Variants in SEPTIN14 observed in about 807,000 individuals in gnomAD.
SEPTIN14 encodes septin-14.
Under a neutral mutation model 53.6 loss-of-function variants are expected in SEPTIN14, and 40 were observed. The ratio of observed to expected loss-of-function variants is 0.75; its 90% CI spans 0.58 to 0.97. SEPTIN14 has a LOEUF of 0.97. SEPTIN14 is among the 50% of genes least tolerant of loss of function. SEPTIN14 has a pLI of 0.00. For missense variants in SEPTIN14, 471 were observed against 508.2 expected (o/e 0.93, Z 0.70); for synonymous variants, 138 against 166.8 (o/e 0.83, Z 1.33).
At chr7:55,839,347 C>CCA (rs755265566) in intron 5 of SEPTIN14, among the ~76,000 whole-genome samples, 73 of 150,304 alleles carry the variant, frequency 4.9e-4, no homozygotes, top group Non-Finnish European at 4.0e-4. Flanking sequence ...CGAGATTGTG[C>CCA]CACTGCACTC....
intron 6 of SEPTIN14, among the ~76,000 whole-genome samples, chr7:55,825,111 G>A (rs561504839): frequency 2.0e-5 from 3 of 152,112 alleles, no homozygotes; most frequent in Non-Finnish European, 4.4e-5. Context: ...CCTTTAATCA[G>A]TGAGTGGATA....
In SEPTIN14 at chr7:55,795,915, A is replaced by C. The variant is rs1414149556; in HGVS notation, c.1297T>G (p.Ter433GluextTer1). 6.3e-7 allele frequency: 1 copy of C among 1,589,058 alleles called. No homozygotes were observed. Among genetic ancestry groups the C allele is most frequent in the Non-Finnish European group, 8.5e-7 (1 of 1,173,270 alleles). The change falls in exon 10 of 10, where the codon TAA (stop) becomes GAA (glutamate). Residue 433 changes from the stop codon to glutamate (E), a stop_lost. Coordinates refer to ENST00000388975, the MANE Select transcript of SEPTIN14 (RefSeq NM_207366.3). ...DTKKDKHRKK[*>E] Reference sequence around the variant, plus strand: ...TCTCAGAATAGTAAGAGAAACTATTATTTCTTACGATGTTTGTCTTTCTTT... The same window carrying C: ...TCTCAGAATAGTAAGAGAAACTATTCTTTCTTACGATGTTTGTCTTTCTTT...
chr7:55,862,069 C>G, intron 1 of SEPTIN14, 58 bp from the exon 2 acceptor site: 1 of 1,069,946 alleles, frequency 9.3e-7, no homozygotes, highest in Non-Finnish European at 1.3e-6. Context: ...TATATTCTTA[C>G]TATATAATTT....
chr7:55,833,312 C>T (rs1262564975), intron 6 of SEPTIN14, among the ~76,000 whole-genome samples: 1 of 149,988 alleles, frequency 6.7e-6, no homozygotes, highest in Non-Finnish European at 1.5e-5. Flanking sequence ...GAGACTCCGT[C>T]TCAAAAAAAA....
chr7:55,816,890 G>GA (rs1270439162), intron 7 of SEPTIN14, among the ~76,000 whole-genome samples: 9 of 152,050 alleles, frequency 5.9e-5, no homozygotes, highest in Admixed American at 5.2e-4. Flanking sequence ...TAAGGATGTG[G>GA]AAAAAAGGGA....
At chr7:55,852,309 A>C (rs1789532406) in intron 2 of SEPTIN14, among the ~76,000 whole-genome samples, 1 of 152,188 alleles carries the variant, frequency 6.6e-6, no homozygotes, top group Non-Finnish European at 1.5e-5. Context: ...TACAATAACC[A>C]AAACAGCATG....
At position 55,793,619 on chromosome 7, in the gene SEPTIN14, G is replaced by C. The variant is rs1584245776; in HGVS notation, c.*2294C>G. The C allele has an allele frequency of 6.6e-6, 1 of 152,098 alleles. No homozygotes were observed. The highest frequency in any genetic ancestry group is 2.1e-4 in the South Asian group (1 of 4,834). 9.4% of individuals were successfully genotyped at this position (152,098 alleles called of 1,614,324 possible). On this transcript the variant is annotated 3_prime_UTR_variant, in exon 10 of 10. Transcript: ENST00000388975. ...TAAAATGTAATTATAAATCTGTTAG[G>C]TGGTGTACAATGAATAAAGATACAA...
chr7:55,854,182 TCAC>T (rs1158532447), intron 2 of SEPTIN14, among the ~76,000 whole-genome samples: 1 of 152,022 alleles, frequency 6.6e-6, no homozygotes, highest in Non-Finnish European at 1.5e-5. Context: ...TAAAGTAAAA[TCAC>T]CATATGACTG....
intron 2 of SEPTIN14, among the ~76,000 whole-genome samples, chr7:55,859,241 T>G (rs1789701482): frequency 6.6e-6 from 1 of 152,176 alleles, no homozygotes; most frequent in East Asian, 1.9e-4. Flanking sequence ...CAGGTCTTAC[T>G]TTTAGGTCTT....
At chr7:55,824,901 G>A (rs1432125484) in intron 6 of SEPTIN14, among the ~76,000 whole-genome samples, 1 of 152,084 alleles carries the variant, frequency 6.6e-6, no homozygotes, top group East Asian at 1.9e-4. Flanking sequence ...TTGCCAGTGG[G>A]AATGCAAAAT....
chr7:55,859,408 C>A (rs752727001), intron 2 of SEPTIN14, among the ~76,000 whole-genome samples: 1 of 152,064 alleles, frequency 6.6e-6, no homozygotes, highest in Non-Finnish European at 1.5e-5. Context: ...AATTAGCTAA[C>A]CATGAATGTT....
In SEPTIN14 at chr7:55,846,553, T is replaced by C. The variant is rs371523031; in HGVS notation, c.139A>G (p.Ile47Val). 41 of 1,598,206 alleles carry C rather than the reference T, an allele frequency of 2.6e-5. No homozygotes were observed. The highest frequency in any genetic ancestry group is 3.2e-5 in the Non-Finnish European group (38 of 1,169,460). Residue 47 changes from isoleucine (I) to valine (V), a missense_variant, in exon 3 of 10, where the codon ATC becomes GTC. Ile to Val is a conservative substitution (Grantham distance 29). Transcript: ENST00000388975. The part of the protein sequence containing the change: ...CLPNQLVSRS[I>V]RQGFTFNILC... Reference sequence around the variant, plus strand: ...ATATTAAAAGTGAATCCTTGTCGGATAGATCTGCTCACCAACTGATTGGGC... The same window carrying C: ...ATATTAAAAGTGAATCCTTGTCGGACAGATCTGCTCACCAACTGATTGGGC...
At chr7:55,847,764 G>C (rs1789438438) in intron 2 of SEPTIN14, among the ~76,000 whole-genome samples, 1 of 152,114 alleles carries the variant, frequency 6.6e-6, no homozygotes, top group Non-Finnish European at 1.5e-5. Context: ...TATACCCTCT[G>C]AGGACTTGTG....
In SEPTIN14 at chr7:55,807,156, C is replaced by G. The variant is rs758591939; in HGVS notation, c.920G>C (p.Cys307Ser). ...KEKTHTQHYE[C>S]YRYQKLQKMG... is the part of the protein sequence containing the mutation. ...TTTCTGCAGTTTTTGGTACCTATAA[C>G]ATTCATAGTGCTGAGTGTGGGTTTT... Residue 307 changes from cysteine to serine, a missense_variant, in exon 8 of 10, where the codon TGT becomes TCT. Coordinates refer to ENST00000388975, the MANE Select transcript of SEPTIN14 (RefSeq NM_207366.3). The G allele has an allele frequency of 3.7e-6, 6 of 1,610,564 alleles. No individual in the cohort carries two copies. The South Asian group carries it at 4.4e-5, about 12-fold the overall frequency.
rs368346447 is a variant in SEPTIN14, at chr7:55,861,972, G to C, written c.25C>G (p.Pro9Ala). Residue 9 changes from proline (P) to alanine (A), a missense_variant, in exon 2 of 10, where the codon CCC becomes GCC. By Grantham distance (27) the Pro-to-Ala change is conservative. Coordinates refer to ENST00000388975, the MANE Select transcript of SEPTIN14 (RefSeq NM_207366.3). MAERTMAM[P>A]TQIPADGDTQ... ...TCTCCATCAGCAGGTATTTGTGTGG[G>C]CATAGCCATTGTTCTTTCTGCCATG... is the stretch of plus-strand genomic sequence containing the variant. 4.0e-5 allele frequency: 64 copies of C among 1,582,978 alleles called. No individual in the cohort carries two copies. The highest frequency in any genetic ancestry group is 5.1e-5 in the Non-Finnish European group (59 of 1,167,846).
At position 55,855,077 on chromosome 7, in the gene SEPTIN14, C is replaced by G. The variant is rs540056771; in HGVS notation, c.54+6866G>C. 1.3e-3 allele frequency among the ~76,000 whole-genome samples: 203 copies of G among 150,608 alleles called. 2 individuals carry two copies. The highest frequency in any genetic ancestry group is 0.011 in the Middle Eastern group (3 of 282). Reference sequence around the variant, plus strand: ...AGGCCGGAGTGCAGTGGCACTATCTCGGCTCACTGCAAGCTCTGCCTCCCA... The same window carrying G: ...AGGCCGGAGTGCAGTGGCACTATCTGGGCTCACTGCAAGCTCTGCCTCCCA... On this transcript the variant is annotated intron_variant, in intron 2 of 9. Transcript: ENST00000388975.
chr7:55,794,395 A>G lies in SEPTIN14; in HGVS notation c.*1518T>C, dbSNP rs1788391133. On this transcript the variant is annotated 3_prime_UTR_variant, in exon 10 of 10. Coordinates refer to ENST00000388975, the MANE Select transcript of SEPTIN14 (RefSeq NM_207366.3). Reference sequence around the variant, plus strand: ...TACATTAATTATCTTTTGAAAGTCAATAATCTACATTTTTAATGTATGCAT... The same window carrying G: ...TACATTAATTATCTTTTGAAAGTCAGTAATCTACATTTTTAATGTATGCAT... The G allele has an allele frequency of 6.6e-6, 1 of 152,326 alleles. No individual in the cohort carries two copies. Among genetic ancestry groups the G allele is most frequent in the Admixed American group, 6.5e-5 (1 of 15,290 alleles). 9.4% of individuals were successfully genotyped at this position (152,326 alleles called of 1,614,324 possible).
At chr7:55,810,274 T>C (rs1388858837) in intron 7 of SEPTIN14, among the ~76,000 whole-genome samples, 1 of 152,142 alleles carries the variant, frequency 6.6e-6, no homozygotes, top group Non-Finnish European at 1.5e-5. Flanking sequence ...GAAATGCCTG[T>C]TCAGATCCTT....
At chr7:55,797,455 G>A (rs1247863493) in intron 9 of SEPTIN14, among the ~76,000 whole-genome samples, 2 of 152,202 alleles carry the variant, frequency 1.3e-5, no homozygotes, top group African/African-American at 2.4e-5. Flanking sequence ...TAGACTATCA[G>A]CAGATTTCTC....
Sources: allele counts gnomAD v4.1 joint callset (sites outside exome capture counted in the v4.1 genomes callset), GRCh38; gene constraint gnomAD v4.1.1; transcripts MANE v1.5; gene names NCBI Gene and HGNC (gene_info 2026-07-23, HGNC 2026-07-21).